The following FRMD3 variants were observed in gnomAD, a reference collection of about 807,000 sequenced individuals.
FRMD3 encodes the protein FERM domain containing 3.
A neutral mutation model predicts 70.2 loss-of-function variants in FRMD3; 33 were observed. That is an observed-to-expected ratio of 0.47 (90% CI 0.36 to 0.63). The LOEUF is 0.63. Among genes scored for constraint, FRMD3 ranks in the 20% least tolerant of loss-of-function variants. FRMD3 has a pLI of 0.00. For synonymous variants in FRMD3, 279 were observed against 255.9 expected (o/e 1.09, Z -0.86); for missense variants, 632 against 711.4 (o/e 0.89, Z 1.27).
intron 1 of FRMD3, among the ~76,000 whole-genome samples, chr9:83,435,608 C>T (rs76788614): frequency 1.2e-3 from 189 of 151,640 alleles, no homozygotes; most frequent in Non-Finnish European, 2.1e-3. Flanking sequence ...ATTATTTTAA[C>T]CTGGATAGCT....
At chr9:83,322,527 T>C (rs182936614) in intron 6 of FRMD3, among the ~76,000 whole-genome samples, 1 of 152,310 alleles carries the variant, frequency 6.6e-6, no homozygotes, top group East Asian at 1.9e-4. Context: ...ACCATGTCTG[T>C]AGCTCTCCAG....
At chr9:83,455,023 C>T (rs369025416) in intron 1 of FRMD3, among the ~76,000 whole-genome samples, 20 of 152,116 alleles carry the variant, frequency 1.3e-4, no homozygotes, top group African/African-American at 4.3e-4. Context: ...AAAGAAATAC[C>T]GAGTTTGTTA....
At chr9:83,455,370 C>T (rs960084265) in intron 1 of FRMD3, among the ~76,000 whole-genome samples, 2 of 152,118 alleles carry the variant, frequency 1.3e-5, no homozygotes, top group Non-Finnish European at 1.5e-5. Flanking sequence ...GTGGGAGGTA[C>T]CCAGGGGGAG....
chr9:83,312,122 G>T, intron 7 of FRMD3, 147 bp from the exon 8 acceptor site: 1 of 649,562 alleles, frequency 1.5e-6, no homozygotes, highest in Non-Finnish European at 2.6e-6. Context: ...TTTCTGAGAT[G>T]GAACTTCTAA....
the FRMD3 span, among the ~76,000 whole-genome samples, chr9:83,579,690 G>A: frequency 6.6e-6 from 1 of 151,980 alleles, no homozygotes; most frequent in Admixed American, 6.5e-5. Flanking sequence ...CTAGACAAAA[G>A]CATAGGCAGA....
chr9:83,416,780 T>A lies in FRMD3; in HGVS notation c.148-27072A>T, dbSNP rs968996037. Among the ~76,000 whole-genome samples the A allele has an allele frequency of 7.8e-3, 806 of 103,528 alleles. 5 individuals carry two copies. Among genetic ancestry groups the A allele is most frequent in the South Asian group, 0.018 (51 of 2,764 alleles). 67.9% of individuals were successfully genotyped at this position (103,528 alleles called of 152,430 possible). ...CTCTCTCTCTCTCTCTCTCTCTCTC[T>A]CTCTCTCACTCTCTCTCTCTCTTAC... On this transcript the variant is annotated intron_variant, in intron 1 of 13. Transcript: ENST00000304195.
intron 13 of FRMD3, among the ~76,000 whole-genome samples, chr9:83,279,757 A>G (rs1833908214): frequency 6.8e-6 from 1 of 147,766 alleles, no homozygotes. Flanking sequence ...ATGAGAACAC[A>G]TGGACACAGA....
intron 2 of FRMD3, among the ~76,000 whole-genome samples, chr9:83,381,638 A>G (rs1469223187): frequency 6.6e-6 from 1 of 152,078 alleles, no homozygotes; most frequent in African/African-American, 2.4e-5. Context: ...TTTGTATTCT[A>G]GGGTCTCAGG....
At chr9:83,363,332 A>G (rs922948645) in intron 3 of FRMD3, among the ~76,000 whole-genome samples, 1 of 152,194 alleles carries the variant, frequency 6.6e-6, no homozygotes, top group Admixed American at 6.5e-5. Flanking sequence ...CAATATGTCT[A>G]TAAGTCTTTC....
chr9:83,566,511 G>T, the FRMD3 span, among the ~76,000 whole-genome samples: 6 of 152,070 alleles, frequency 3.9e-5, no homozygotes, highest in Non-Finnish European at 7.4e-5. Flanking sequence ...CATTAACCCA[G>T]AAGTCCATAG....
intron 12 of FRMD3, among the ~76,000 whole-genome samples, chr9:83,298,382 T>C (rs1019444395): frequency 6.6e-6 from 1 of 152,112 alleles, no homozygotes; most frequent in African/African-American, 2.4e-5. Context: ...GTCAGGCCAA[T>C]GGGAACGGGC....
intron 1 of FRMD3, among the ~76,000 whole-genome samples, chr9:83,472,137 C>G (rs528875073): frequency 6.6e-6 from 1 of 152,236 alleles, no homozygotes; most frequent in South Asian, 2.1e-4. Flanking sequence ...CAGAACTCAC[C>G]GCTCAGATTT....
At chr9:83,541,556 G>A (rs552505708), upstream of FRMD3, among the ~76,000 whole-genome samples, 3 of 152,338 alleles carry the variant, frequency 2.0e-5, no homozygotes, top group Non-Finnish European at 4.4e-5. Context: ...AGGAAGGACT[G>A]CCATCTTTGA....
chr9:83,259,432 C>G (rs1185758288), intron 13 of FRMD3, among the ~76,000 whole-genome samples: 1 of 152,118 alleles, frequency 6.6e-6, no homozygotes, highest in South Asian at 2.1e-4. Context: ...CACCACCCTG[C>G]GTCTGTTGGG....
intron 1 of FRMD3, among the ~76,000 whole-genome samples, chr9:83,427,820 C>T (rs1250062542): frequency 6.6e-6 from 1 of 152,032 alleles, no homozygotes; most frequent in Non-Finnish European, 1.5e-5. Context: ...TTCAACTGAT[C>T]AGTAATTGGG....
rs1832024838 is a variant in FRMD3, at chr9:83,245,048, C to T, written c.*2870G>A. On this transcript the variant is annotated 3_prime_UTR_variant, in exon 14 of 14. Coordinates refer to ENST00000304195, the MANE Select transcript of FRMD3 (RefSeq NM_174938.6). ...GCATTTATGGAAAATTTAACCCTTT[C>T]AGGCTGTGGGTTTTACCCACCATAG... 1 of 985,230 alleles carries T rather than the reference C, an allele frequency of 1.0e-6. No individual in the cohort carries two copies. The highest frequency in any genetic ancestry group is 1.2e-6 in the Non-Finnish European group (1 of 829,896). The allele number at this position is 985,230 out of a possible 1,614,324, so 61.0% of individuals were successfully genotyped here.
intron 1 of FRMD3, among the ~76,000 whole-genome samples, chr9:83,455,427 A>G (rs943775205): frequency 6.6e-5 from 10 of 152,160 alleles, no homozygotes; most frequent in Admixed American, 4.6e-4. Context: ...TTCTCATGAT[A>G]GTGAATTAAG....
chr9:83,352,642 T>C (rs1483396841), intron 3 of FRMD3, among the ~76,000 whole-genome samples: 1 of 152,176 alleles, frequency 6.6e-6, no homozygotes, highest in Non-Finnish European at 1.5e-5. Context: ...CTTCTGAGTC[T>C]TCCCTAAAAT....
At chr9:83,365,038 T>A (rs1824744215) in intron 3 of FRMD3, among the ~76,000 whole-genome samples, 1 of 152,246 alleles carries the variant, frequency 6.6e-6, no homozygotes, top group African/African-American at 2.4e-5. Context: ...TGTCTCTTAC[T>A]ATGTCTCCTT....
Sources: gnomAD v4.1 joint callset for allele counts (sites outside exome capture counted in the v4.1 genomes callset) on GRCh38, gnomAD v4.1.1 for gene constraint, MANE v1.5 for transcripts, NCBI Gene and HGNC (gene_info 2026-07-23, HGNC 2026-07-21) for gene names.